BHLHE40: variants seen among roughly 807,000 people sequenced by gnomAD.
BHLHE40 encodes basic helix-loop-helix family member e40, also known as class E basic helix-loop-helix protein 40.
In BHLHE40, 3 loss-of-function variants were observed where a neutral mutation model predicts 35.7. The ratio of observed to expected loss-of-function variants is 0.08; its 90% CI spans 0.04 to 0.22. BHLHE40 has a LOEUF of 0.22. Ranked by LOEUF, BHLHE40 falls within the 10% of genes least tolerant of loss-of-function variation. The probability of loss-of-function intolerance (pLI) is 1.00; values close to 1 mark genes in which losing one functional copy is unlikely to be tolerated. For synonymous variants in BHLHE40, 236 were observed against 213.0 expected (o/e 1.11, Z -0.94); for missense variants, 486 against 524.0 (o/e 0.93, Z 0.71).
chr3:4,981,276 A>C (rs13076468), intron 3 of BHLHE40, 116 bp from the exon 4 acceptor site: 305,634 of 1,300,184 alleles, frequency 0.24, 38,640 homozygotes, highest in African/African-American at 0.33. Flanking sequence ...TAAAACAGCC[A>C]ACCAGGAAAC....
At chr3:4,980,251 C>T (rs764236769) in intron 2 of BHLHE40, 50 bp from the exon 3 acceptor site, 6 of 1,416,716 alleles carry the variant, frequency 4.2e-6, no homozygotes, top group Non-Finnish European at 2.0e-6. Context: ...GGAGGATAGG[C>T]TTCTCATCTC....
At chr3:4,981,355 C>T (rs1282286134) in intron 3 of BHLHE40, 37 bp from the exon 4 acceptor site, 2 of 1,609,368 alleles carry the variant, frequency 1.2e-6, no homozygotes, top group Non-Finnish European at 1.7e-6. Context: ...TGGGACTTCT[C>T]TGACCTCACC....
At chr3:4,981,301 T>C in intron 3 of BHLHE40, 91 bp from the exon 4 acceptor site, 1 of 1,494,506 alleles carries the variant, frequency 6.7e-7, no homozygotes, top group Non-Finnish European at 9.0e-7. Context: ...TTCCACTTTT[T>C]TTTTTCTTTT....
chr3:4,979,852 G>A, intron 1 of BHLHE40, 54 bp downstream of exon 1: 1 of 1,598,616 alleles, frequency 6.3e-7, no homozygotes, highest in Non-Finnish European at 8.5e-7. Context: ...CATGTTATGC[G>A]CCACTCTCAA....
chr3:4,980,127 G>T, intron 2 of BHLHE40, 96 bp downstream of exon 2: 1 of 1,353,080 alleles, frequency 7.4e-7, no homozygotes, highest in Non-Finnish European at 1.1e-6. Context: ...GCGAGGGGAT[G>T]CAGGGTGTGG....
intron 3 of BHLHE40, 34 bp downstream of exon 3, chr3:4,980,442 C>G: frequency 6.3e-7 from 1 of 1,588,016 alleles, no homozygotes; most frequent in Non-Finnish European, 8.6e-7. Flanking sequence ...CCAACCCAGT[C>G]CTTTGCCCAG....
At chr3:4,982,807 C>A (rs754810290) in intron 4 of BHLHE40, 29 bp from the exon 5 acceptor site, 3 of 1,612,830 alleles carry the variant, frequency 1.9e-6, no homozygotes, top group African/African-American at 1.3e-5. Flanking sequence ...CCTTCTGAAA[C>A]GTTTTCCTTC....
chr3:4,980,495 C>G (rs2053182903), intron 3 of BHLHE40, 87 bp downstream of exon 3: 1 of 1,102,596 alleles, frequency 9.1e-7, no homozygotes. Flanking sequence ...CCGCGGGGAA[C>G]TGCAGACCAG....
intron 3 of BHLHE40, 100 bp from the exon 4 acceptor site, chr3:4,981,292 T>C: frequency 2.1e-6 from 3 of 1,444,316 alleles, no homozygotes; most frequent in Non-Finnish European, 1.9e-6. Context: ...GAAACACTAT[T>C]CCACTTTTTT....
At chr3:4,982,766 T>C (rs2053208688) in intron 4 of BHLHE40, 70 bp from the exon 5 acceptor site, 1 of 1,567,070 alleles carries the variant, frequency 6.4e-7, no homozygotes, top group Non-Finnish European at 8.6e-7. Flanking sequence ...CACCTGGTTT[T>C]TTGGAGTATA....
In BHLHE40 at chr3:4,983,554, C is replaced by T. The variant is rs778703529; in HGVS notation, c.1101C>T (p.Asn367=). 8.7e-6 allele frequency: 14 copies of T among 1,614,196 alleles called. No individual in the cohort carries two copies. In the South Asian group the frequency reaches 1.4e-4, roughly 16 times the overall value. Residue 367 remains asparagine, a synonymous_variant, in exon 5 of 5, where the codon AAC becomes AAT. Coordinates refer to ENST00000256495, the MANE Select transcript of BHLHE40 (RefSeq NM_003670.3). The surrounding 1 kb of genome is among the most constrained non-coding windows in gnomAD (Gnocchi z 5.0). ...CCGCAGCCCTCTCTAGCTTCATGAA[C>T]CCAGACAAGATCTCGGCTCCCTTGC... ...ASAAALSSFM[N]PDKISAPLLM... is the part of the protein sequence containing the mutation.
In BHLHE40 at chr3:4,984,037, A is replaced by G. The variant is rs1285873711; in HGVS notation, c.*345A>G. 1 of 221,542 alleles carries G rather than the reference A, an allele frequency of 4.5e-6. No homozygotes were observed. The highest frequency in any genetic ancestry group is 8.9e-6 in the Non-Finnish European group (1 of 112,026). 13.7% of individuals were successfully genotyped at this position (221,542 alleles called of 1,614,324 possible). On this transcript the variant is annotated 3_prime_UTR_variant, in exon 5 of 5. Coordinates refer to ENST00000256495, the MANE Select transcript of BHLHE40 (RefSeq NM_003670.3). ...TTCGATACACATCAGCTGGATTTTCAAAAGCTTCAAAGTCTTGGTCTGTGA... is the reference window on the plus strand; with the variant it reads ...TTCGATACACATCAGCTGGATTTTCGAAAGCTTCAAAGTCTTGGTCTGTGA...
At position 4,983,524 on chromosome 3, in the gene BHLHE40, C is replaced by T; in HGVS notation, c.1071C>T (p.Ala357=). ...CAGTGCTATACCCAGGCCTCAACGC[C>T]TCTGCCGCAGCCCTCTCTAGCTTCA... ...SVPVLYPGLN[A]SAAALSSFMN... Residue 357 remains alanine (A), a synonymous_variant, in exon 5 of 5, where the codon GCC becomes GCT. Coordinates refer to ENST00000256495, the MANE Select transcript of BHLHE40 (RefSeq NM_003670.3). The surrounding 1 kb of genome is among the most constrained non-coding windows in gnomAD (Gnocchi z 5.0). 6.2e-7 allele frequency: 1 copy of T among 1,614,176 alleles called. No homozygotes were observed. The highest frequency in any genetic ancestry group is 8.5e-7 in the Non-Finnish European group (1 of 1,180,036).
chr3:4,980,454 G>C (rs2053182365), intron 3 of BHLHE40, 46 bp downstream of exon 3: 1 of 1,547,268 alleles, frequency 6.5e-7, no homozygotes, highest in Non-Finnish European at 8.9e-7. Flanking sequence ...TTTGCCCAGA[G>C]GGCGGGCGGG....
At chr3:4,980,437 C>T (rs755623132) in intron 3 of BHLHE40, 29 bp downstream of exon 3, 2 of 1,594,732 alleles carry the variant, frequency 1.3e-6, no homozygotes, top group Non-Finnish European at 1.7e-6. Flanking sequence ...CCTTTCCAAC[C>T]CAGTCCTTTG....
Position 4,980,425 on chromosome 3 carries a change from C to T in BHLHE40, c.258+17C>T, listed in dbSNP as rs946654988. On this transcript the variant is annotated intron_variant, in intron 3 of 4. Transcript: ENST00000256495. Reference sequence around the variant, plus strand: ...AAACTTACAGTAAGTGAGAAGCTGGCCCCTTTCCAACCCAGTCCTTTGCCC... The same window carrying T: ...AAACTTACAGTAAGTGAGAAGCTGGTCCCTTTCCAACCCAGTCCTTTGCCC... The T allele has an allele frequency of 5.0e-6, 8 of 1,605,630 alleles. No homozygotes were observed. In the Admixed American group the frequency reaches 1.2e-4, roughly 23 times the overall value.
Position 4,983,850 on chromosome 3 carries a change from G to GTGTGTGTGTGTA in BHLHE40, c.*163_*164insGTGTGTATGTGT, listed in dbSNP as rs1553562125. 1,155 of 957,630 alleles carry GTGTGTGTGTGTA rather than the reference G, an allele frequency of 1.2e-3. 2 individuals carry two copies. Among genetic ancestry groups the GTGTGTGTGTGTA allele is most frequent in the African/African-American group, 0.012 (694 of 60,028 alleles). 59.3% of individuals were successfully genotyped at this position (957,630 alleles called of 1,614,324 possible). On this transcript the variant is annotated 3_prime_UTR_variant, in exon 5 of 5. Coordinates refer to ENST00000256495, the MANE Select transcript of BHLHE40 (RefSeq NM_003670.3). This position sits in a 1 kb window ranked among gnomAD's most constrained non-coding sequence, Gnocchi z 5.0. ...TCAGGGTGTGTGTGTGTGTGTGTGT[G>GTGTGTGTGTGTA]TGTGTATGTGCGTGTGCGTGCACAT...
intron 2 of BHLHE40, 134 bp from the exon 3 acceptor site, chr3:4,980,167 A>T: frequency 8.8e-7 from 1 of 1,132,242 alleles, no homozygotes; most frequent in Admixed American, 1.9e-5. Context: ...TGACTTGGAA[A>T]AGAAAGGGCA....
At chr3:4,980,538 G>C (rs886849775) in intron 3 of BHLHE40, 130 bp downstream of exon 3, 6 of 704,934 alleles carry the variant, frequency 8.5e-6, no homozygotes, top group Non-Finnish European at 1.2e-5. Context: ...GTGGCTCTGC[G>C]GTGGGGTCCT....
Sources: allele counts gnomAD v4.1 joint callset, GRCh38; gene constraint gnomAD v4.1.1; non-coding constraint Gnocchi (gnomAD v3.1); transcripts MANE v1.5; gene names NCBI Gene and HGNC (gene_info 2026-07-23, HGNC 2026-07-21).